Variants in MGAT4C observed in about 807,000 individuals in gnomAD.
The protein encoded by MGAT4C is alpha-1,3-mannosyl-glycoprotein 4-beta-N-acetylglucosaminyltransferase C.
MGAT4C carries 19 observed loss-of-function variants against 40.1 expected under a neutral mutation model. The ratio of observed to expected loss-of-function variants is 0.47; its 90% CI spans 0.33 to 0.70. The LOEUF (loss-of-function observed/expected upper bound fraction) is 0.70, where lower values mean the gene tolerates loss of function less well. Ranked by LOEUF, MGAT4C falls within the 30% of genes least tolerant of loss-of-function variation. MGAT4C has a pLI of 0.02. For missense variants in MGAT4C, 491 were observed against 563.2 expected (o/e 0.87, Z 1.30); for synonymous variants, 181 against 187.1 (o/e 0.97, Z 0.27).
intron 3 of MGAT4C, among the ~76,000 whole-genome samples, chr12:86,393,353 A>C (rs1359223465): frequency 6.6e-6 from 1 of 152,214 alleles, no homozygotes; most frequent in Non-Finnish European, 1.5e-5. Context: ...AAGATGTAAA[A>C]AATGATTTAT....
intron 2 of MGAT4C, among the ~76,000 whole-genome samples, chr12:86,556,886 T>A (rs981283328): frequency 2.0e-4 from 30 of 152,164 alleles, no homozygotes; most frequent in Non-Finnish European, 3.4e-4. Context: ...ATTAATATTA[T>A]AAGACCTTTA....
At chr12:86,194,708 T>A (rs1043846313) in intron 1 of MGAT4C, among the ~76,000 whole-genome samples, 1 of 151,860 alleles carries the variant, frequency 6.6e-6, no homozygotes, top group Admixed American at 6.6e-5. Context: ...AGATGATCCA[T>A]CCGCCTCAGC....
At position 86,521,307 on chromosome 12, in the gene MGAT4C, C is replaced by T. The variant is rs199647540; in HGVS notation, c.-228-86042G>A. ...TCGTTTTGCTAACCAGTTATTCTAGCACCATTTATTGAATAGGGTGTCCTT... is the reference window on the plus strand; with the variant it reads ...TCGTTTTGCTAACCAGTTATTCTAGTACCATTTATTGAATAGGGTGTCCTT... On this transcript the variant is annotated intron_variant, in intron 2 of 7. Transcript: ENST00000548651. Among the ~76,000 whole-genome samples, 8 of 152,270 alleles carry T rather than the reference C, an allele frequency of 5.3e-5. No individual in the cohort carries two copies. The East Asian group carries it at 1.5e-3, about 29-fold the overall frequency.
At chr12:86,424,773 T>G (rs1956893829) in intron 3 of MGAT4C, among the ~76,000 whole-genome samples, 2 of 152,162 alleles carry the variant, frequency 1.3e-5, no homozygotes, top group Admixed American at 6.6e-5. Context: ...TACATACATA[T>G]TTAGACAGAA....
At chr12:86,404,125 G>A (rs1049205599) in intron 3 of MGAT4C, among the ~76,000 whole-genome samples, 4 of 152,170 alleles carry the variant, frequency 2.6e-5, no homozygotes, top group African/African-American at 9.7e-5. Flanking sequence ...TGAGATTGCG[G>A]TGAGCTTTGA....
intron 1 of MGAT4C, among the ~76,000 whole-genome samples, chr12:86,092,972 A>C (rs1873155735): frequency 6.6e-6 from 1 of 152,002 alleles, no homozygotes; most frequent in African/African-American, 2.4e-5. Flanking sequence ...GGTCATCTAC[A>C]TTAGGTATTT....
At chr12:86,747,742 C>G (rs911257075) in intron 1 of MGAT4C, among the ~76,000 whole-genome samples, 1 of 151,082 alleles carries the variant, frequency 6.6e-6, no homozygotes, top group Non-Finnish European at 1.5e-5. Context: ...TGCCAATAGT[C>G]TTTTATGTTC....
At chr12:86,059,977 A>T (rs1350481635) in intron 1 of MGAT4C, among the ~76,000 whole-genome samples, 1 of 152,214 alleles carries the variant, frequency 6.6e-6, no homozygotes, top group African/African-American at 2.4e-5. Flanking sequence ...AAGAAAAGAC[A>T]GCATTTTCTT....
chr12:86,445,735 G>A (rs1378761005), intron 2 of MGAT4C, among the ~76,000 whole-genome samples: 3 of 152,038 alleles, frequency 2.0e-5, no homozygotes, highest in Non-Finnish European at 4.4e-5. Context: ...TGCTATACGT[G>A]ACAACATGAG....
rs1883015903 is a variant in MGAT4C, at chr12:85,959,804, G to T, written c.*19485C>A. ...TTTTATGTTAACTGAATCAATTTTGGCTTTGTTTCTTTATGAAATTACTTT... is the reference window on the plus strand; with the variant it reads ...TTTTATGTTAACTGAATCAATTTTGTCTTTGTTTCTTTATGAAATTACTTT... On this transcript the variant is annotated 3_prime_UTR_variant, in exon 5 of 5. Transcript: ENST00000611864. The T allele has an allele frequency of 6.7e-6, 1 of 149,210 alleles. No homozygotes were observed. Among genetic ancestry groups the T allele is most frequent in the Non-Finnish European group, 1.5e-5 (1 of 67,322 alleles). 9.2% of individuals were successfully genotyped at this position (149,210 alleles called of 1,614,324 possible). A position where few individuals can be genotyped will look rare whatever the true frequency, so the allele number is the denominator to read the frequency against.
rs551919754 is a variant in MGAT4C, at chr12:86,151,032, A to G, written c.-56-101309T>C. 2.6e-5 allele frequency among the ~76,000 whole-genome samples: 4 copies of G among 152,346 alleles called. No individual in the cohort carries two copies. The South Asian group carries it at 6.2e-4, about 24-fold the overall frequency. On this transcript the variant is annotated intron_variant, in intron 1 of 4. Coordinates refer to ENST00000611864, the MANE Select transcript of MGAT4C (RefSeq NM_001351288.2). Reference sequence around the variant, plus strand: ...CTCAGACTCTCCCCTCCCTCAGAGCAAAAACAGGCATTCACCATAAATCAC... The same window carrying G: ...CTCAGACTCTCCCCTCCCTCAGAGCGAAAACAGGCATTCACCATAAATCAC...
In MGAT4C at chr12:86,574,670, G is replaced by C. The variant is rs982039302; in HGVS notation, c.-228-139405C>G. Among the ~76,000 whole-genome samples, 10 of 151,836 alleles carry C rather than the reference G, an allele frequency of 6.6e-5. No homozygotes were observed. The East Asian group carries it at 1.2e-3, about 18-fold the overall frequency. ...GTGAATGCAATTAGCAATGTATGCT[G>C]CTTACTTGATTAAAAATTATTCCTC... On this transcript the variant is annotated intron_variant, in intron 2 of 7. Coordinates refer to the MGAT4C transcript ENST00000548651.
intron 1 of MGAT4C, among the ~76,000 whole-genome samples, chr12:86,775,025 T>C (rs2136174993): frequency 6.6e-6 from 1 of 152,342 alleles, no homozygotes; most frequent in African/African-American, 2.4e-5. Context: ...CAAAGCTTTG[T>C]CTTTTAAAAA....
chr12:86,035,816 C>G (rs893490701), intron 2 of MGAT4C, among the ~76,000 whole-genome samples: 1 of 149,888 alleles, frequency 6.7e-6, no homozygotes, highest in Non-Finnish European at 1.5e-5. Context: ...TTTCCCAACA[C>G]CATTTATTAA....
At chr12:86,779,958 C>T (rs1565985156) in intron 1 of MGAT4C, among the ~76,000 whole-genome samples, 1 of 151,398 alleles carries the variant, frequency 6.6e-6, no homozygotes, top group Non-Finnish European at 1.5e-5. Flanking sequence ...TAAAAAGATA[C>T]ACTTGTAATA....
intron 3 of MGAT4C, among the ~76,000 whole-genome samples, chr12:85,987,206 G>A (rs1471638525): frequency 3.3e-5 from 4 of 120,978 alleles, no homozygotes; most frequent in Admixed American, 1.1e-4. Flanking sequence ...GCGGGATCTC[G>A]GCTCACTGCA....
chr12:86,403,469 A>G (rs1295736634), intron 3 of MGAT4C, among the ~76,000 whole-genome samples: 1 of 152,250 alleles, frequency 6.6e-6, no homozygotes, highest in Non-Finnish European at 1.5e-5. Context: ...CACTAGGATT[A>G]CAGAAATGTC....
intron 4 of MGAT4C, among the ~76,000 whole-genome samples, chr12:86,297,725 TGG>T (rs1425739076): frequency 6.6e-6 from 1 of 152,142 alleles, no homozygotes. Context: ...CATACACAGG[TGG>T]TTTATGAAAA....
At chr12:86,187,877 A>G (rs1888948659) in intron 1 of MGAT4C, among the ~76,000 whole-genome samples, 1 of 152,064 alleles carries the variant, frequency 6.6e-6, no homozygotes, top group African/African-American at 2.4e-5. Context: ...CAAGATTTTC[A>G]AAGATATTCT....
Sources: allele counts gnomAD v4.1 joint callset (sites outside exome capture counted in the v4.1 genomes callset), GRCh38; gene constraint gnomAD v4.1.1; transcripts MANE v1.5; gene names NCBI Gene and HGNC (gene_info 2026-07-23, HGNC 2026-07-21).